The following EML6 variants were observed in gnomAD, a reference collection of about 807,000 sequenced individuals.
The protein encoded by EML6 is echinoderm microtubule-associated protein-like 6.
A neutral mutation model predicts 240.1 loss-of-function variants in EML6; 154 were observed. The observed-to-expected ratio is 0.64, with a 90% CI of 0.56 to 0.73. The LOEUF is 0.73. EML6 is among the 30% of genes least tolerant of loss of function. EML6 has a pLI of 0.00. For synonymous variants in EML6, 1,148 were observed against 899.0 expected (o/e 1.28, Z -4.95); for missense variants, 2,964 against 2,474.6 (o/e 1.20, Z -4.20).
chr2:54,886,138 CCTTTTTTTTTTTTTTAACCTT>C (rs1328645665), intron 17 of EML6, among the ~76,000 whole-genome samples: 3 of 141,648 alleles, frequency 2.1e-5, no homozygotes, highest in Admixed American at 7.0e-5. Context: ...ACAAATGTTT[CCTTTTTTTTTTTTTTAACCTT>C]CTTTTTTTTT....
intron 30 of EML6, 73 bp from the exon 31 acceptor site, chr2:54,952,521 C>T (rs758362688): frequency 4.9e-5 from 42 of 863,066 alleles, no homozygotes; most frequent in Non-Finnish European, 6.8e-5. Flanking sequence ...AATGGCTCCA[C>T]GCGATGTTTT....
chr2:54,925,262 C>T (rs1007432933), intron 26 of EML6, among the ~76,000 whole-genome samples: 5 of 152,190 alleles, frequency 3.3e-5, no homozygotes, highest in Non-Finnish European at 7.3e-5. Context: ...AGAGAGCCCG[C>T]ACCAGGAACC....
intron 17 of EML6, among the ~76,000 whole-genome samples, chr2:54,889,053 C>G (rs1191244611): frequency 6.6e-6 from 1 of 152,174 alleles, no homozygotes; most frequent in Admixed American, 6.5e-5. Flanking sequence ...TTTAAAAGTT[C>G]ATCTTTCTCT....
At chr2:54,918,022 T>C (rs1674022630) in intron 26 of EML6, among the ~76,000 whole-genome samples, 1 of 152,218 alleles carries the variant, frequency 6.6e-6, no homozygotes, top group East Asian at 1.9e-4. Context: ...GCTGCCACAC[T>C]ACAAAATTGA....
chr2:54,769,970 A>C (rs947485032), intron 2 of EML6, among the ~76,000 whole-genome samples: 2 of 152,136 alleles, frequency 1.3e-5, no homozygotes, highest in African/African-American at 4.8e-5. Context: ...GTATCCCACT[A>C]TTATATTATA....
chr2:54,733,902 T>C (rs754276577), intron 2 of EML6, among the ~76,000 whole-genome samples: 5 of 152,084 alleles, frequency 3.3e-5, no homozygotes, highest in Non-Finnish European at 5.9e-5. Context: ...AGAGAATAAA[T>C]GGCAACTTTA....
At chr2:54,889,791 G>A (rs1485763322) in intron 17 of EML6, among the ~76,000 whole-genome samples, 1 of 152,098 alleles carries the variant, frequency 6.6e-6, no homozygotes, top group Non-Finnish European at 1.5e-5. Context: ...TAGTTTATAT[G>A]TTCAATACGA....
intron 2 of EML6, among the ~76,000 whole-genome samples, chr2:54,728,581 C>A (rs1683014563): frequency 6.6e-6 from 1 of 152,204 alleles, no homozygotes; most frequent in African/African-American, 2.4e-5. Context: ...CATCACTTTT[C>A]AGGGCCTTGT....
chr2:54,946,992 G>T (rs1206879085), intron 28 of EML6, among the ~76,000 whole-genome samples: 4 of 151,584 alleles, frequency 2.6e-5, no homozygotes, highest in Non-Finnish European at 4.4e-5. Context: ...TAAATACACG[G>T]TGTTTGTGCT....
At position 54,844,769 on chromosome 2, in the gene EML6, T is replaced by C. The variant is rs372770577; in HGVS notation, c.1049+521T>C. Among the ~76,000 whole-genome samples, 34 of 152,236 alleles carry C rather than the reference T, an allele frequency of 2.2e-4. 2 individuals carry two copies. In the East Asian group the frequency reaches 4.6e-3, roughly 21 times the overall value. On this transcript the variant is annotated intron_variant, in intron 8 of 41. Transcript: ENST00000356458. ...AATCATGGGGCCTGAGAAAGTAGTT[T>C]ACTCGGAGCCTCCAGCTTTCTTGCT...
intron 6 of EML6, 25 bp from the exon 7 acceptor site, chr2:54,829,317 G>A: frequency 1.3e-6 from 2 of 1,548,700 alleles, no homozygotes. Context: ...TTGCACCATT[G>A]AGTATTACCT....
intron 16 of EML6, 77 bp downstream of exon 16, chr2:54,871,682 C>A (rs781436424): frequency 5.9e-6 from 6 of 1,014,940 alleles, no homozygotes; most frequent in Non-Finnish European, 6.1e-6. Context: ...CCCGCGCATG[C>A]GCGCACGCGT....
intron 18 of EML6, among the ~76,000 whole-genome samples, chr2:54,892,083 CTCTT>C (rs1259472229): frequency 3.3e-5 from 5 of 152,182 alleles, no homozygotes; most frequent in African/African-American, 1.2e-4. Flanking sequence ...CACTTAGTCA[CTCTT>C]TCTCTTGGCT....
intron 13 of EML6, among the ~76,000 whole-genome samples, 184 bp from the exon 14 acceptor site, chr2:54,866,582 A>G (rs1299318996): frequency 6.6e-6 from 1 of 152,350 alleles, no homozygotes; most frequent in African/African-American, 2.4e-5. Flanking sequence ...TAAAATCCCA[A>G]TTATTTAAAA....
At chr2:54,775,940 T>A (rs1026269774) in intron 2 of EML6, among the ~76,000 whole-genome samples, 1 of 152,236 alleles carries the variant, frequency 6.6e-6, no homozygotes, top group Non-Finnish European at 1.5e-5. Flanking sequence ...TACTTGGTCA[T>A]GATACACAAT....
chr2:54,853,603 C>A, intron 10 of EML6, 40 bp from the exon 11 acceptor site: 1 of 1,228,990 alleles, frequency 8.1e-7, no homozygotes, highest in Non-Finnish European at 1.1e-6. Flanking sequence ...TTAGAATAAA[C>A]TTTTTATTTA....
chr2:54,824,237 C>A (rs1263716482), intron 5 of EML6, among the ~76,000 whole-genome samples: 2 of 152,134 alleles, frequency 1.3e-5, no homozygotes. Flanking sequence ...AGACAAAATT[C>A]TGAAACTTTA....
At chr2:54,950,586 G>C in intron 29 of EML6, 64 bp from the exon 30 acceptor site, 1 of 1,532,874 alleles carries the variant, frequency 6.5e-7, no homozygotes, top group Non-Finnish European at 8.8e-7. Flanking sequence ...CGCAATGTGG[G>C]TGTGTTCCTC....
chr2:54,778,614 C>T (rs1020423612), intron 2 of EML6, among the ~76,000 whole-genome samples: 2 of 152,006 alleles, frequency 1.3e-5, no homozygotes, highest in Non-Finnish European at 2.9e-5. Flanking sequence ...TTAGGCCGGG[C>T]GCAGTAGCTC....
Sources: gnomAD v4.1 joint callset for allele counts (sites outside exome capture counted in the v4.1 genomes callset) on GRCh38, gnomAD v4.1.1 for gene constraint, MANE v1.5 for transcripts, NCBI Gene and HGNC (gene_info 2026-07-23, HGNC 2026-07-21) for gene names.